Variants in TLK2 observed in about 807,000 individuals in gnomAD.
TLK2 encodes the protein tousled like kinase 2.
Under a neutral mutation model 117.3 loss-of-function variants are expected in TLK2, and 6 were observed. The observed-to-expected ratio is 0.05, with a 90% CI of 0.03 to 0.10. TLK2 has a LOEUF of 0.10. Ranked by LOEUF, TLK2 falls within the 10% of genes least tolerant of loss-of-function variation. The pLI is 1.00. For synonymous variants in TLK2, 257 were observed against 316.7 expected (o/e 0.81, Z 2.00); for missense variants, 299 against 901.2 (o/e 0.33, Z 8.56).
upstream of TLK2, among the ~76,000 whole-genome samples, chr17:62,476,039 G>C (rs995630034): frequency 1.3e-5 from 2 of 151,928 alleles, no homozygotes; most frequent in African/African-American, 2.4e-5. Context: ...GTGCAGTGGT[G>C]CCATCTTGGC....
chr17:62,489,036 C>G (rs892380120), intron 2 of TLK2, among the ~76,000 whole-genome samples: 1 of 151,784 alleles, frequency 6.6e-6, no homozygotes, highest in South Asian at 2.1e-4. Flanking sequence ...AAAAATGCCT[C>G]CCATCAGCAT....
At position 62,562,252 on chromosome 17, in the gene TLK2, C is replaced by G. The variant is rs1392791236; in HGVS notation, c.831+2126C>G. ...GTGTGCGCCTGTAATCTTAGCTACT[C>G]TGGAGGCTGAGGCACGAGAATCACT... On this transcript the variant is annotated intron_variant, in intron 10 of 21. Transcript: ENST00000346027. 2.6e-5 allele frequency among the ~76,000 whole-genome samples: 4 copies of G among 152,136 alleles called. No individual in the cohort carries two copies. In the East Asian group the frequency reaches 7.7e-4, roughly 29 times the overall value.
Position 62,483,075 on chromosome 17 carries a change from A to C in TLK2, c.81+1869A>C, listed in dbSNP as rs1396907902. The stretch of plus-strand genomic sequence containing the variant: ...TGATCTAGGTGAAGTAGCTTCAAAT[A>C]GAAGTGAGCAATATATTTGAATACT... On this transcript the variant is annotated intron_variant, in intron 2 of 21. Coordinates refer to ENST00000346027, the MANE Select transcript of TLK2 (RefSeq NM_006852.6). 5.3e-5 allele frequency among the ~76,000 whole-genome samples: 8 copies of C among 152,252 alleles called. No homozygotes were observed. In the East Asian group the frequency reaches 1.5e-3, roughly 29 times the overall value.
chr17:62,584,480 T>C (rs372016670), intron 15 of TLK2, among the ~76,000 whole-genome samples: 2 of 152,230 alleles, frequency 1.3e-5, no homozygotes, highest in East Asian at 3.9e-4. Flanking sequence ...GTATTCATGA[T>C]TGTGAATGGA....
intron 16 of TLK2, among the ~76,000 whole-genome samples, chr17:62,594,575 T>A (rs1412801517): frequency 6.6e-6 from 1 of 152,200 alleles, no homozygotes; most frequent in African/African-American, 2.4e-5. Context: ...ACAAAAACAT[T>A]ACCCAGCTTC....
chr17:62,549,599 G>A (rs1257065142), intron 7 of TLK2: 1 of 151,414 alleles, frequency 6.6e-6, no homozygotes, highest in Non-Finnish European at 1.5e-5. Flanking sequence ...CTGCATCCTA[G>A]AGTAGAGAAC....
chr17:62,587,844 G>A (rs892844931), intron 16 of TLK2, among the ~76,000 whole-genome samples: 2 of 152,114 alleles, frequency 1.3e-5, no homozygotes, highest in African/African-American at 4.8e-5. Context: ...CCAGTTATAA[G>A]TGAGCAATGC....
chr17:62,515,069 C>G (rs1372102624), intron 2 of TLK2, among the ~76,000 whole-genome samples: 1 of 152,224 alleles, frequency 6.6e-6, no homozygotes, highest in African/African-American at 2.4e-5. Context: ...ATTCTACTTT[C>G]TGACTCTATG....
At chr17:62,515,503 G>T (rs903399641) in intron 2 of TLK2, among the ~76,000 whole-genome samples, 2 of 152,122 alleles carry the variant, frequency 1.3e-5, no homozygotes, top group Admixed American at 6.6e-5. Flanking sequence ...GGGTTGGTTG[G>T]TTTTTTGTTT....
At chr17:62,572,945 AT>A in intron 11 of TLK2, 1 of 283,812 alleles carries the variant, frequency 3.5e-6, no homozygotes, top group Non-Finnish European at 6.6e-6. Flanking sequence ...GAGTCAGAAA[AT>A]AAGGTCACAA....
At chr17:62,574,516 T>G in intron 12 of TLK2, 1 of 655,726 alleles carries the variant, frequency 1.5e-6, no homozygotes, top group Non-Finnish European at 2.5e-6. Flanking sequence ...CAAATTTTGT[T>G]GTTGTTGTTT....
At chr17:62,558,037 A>T (rs904278968) in intron 9 of TLK2, among the ~76,000 whole-genome samples, 2 of 152,196 alleles carry the variant, frequency 1.3e-5, no homozygotes, top group African/African-American at 4.8e-5. Flanking sequence ...GATCTAGAGG[A>T]TCGACAGTGA....
intron 6 of TLK2, among the ~76,000 whole-genome samples, chr17:62,535,028 A>C (rs1240429566): frequency 3.3e-5 from 5 of 151,514 alleles, no homozygotes; most frequent in African/African-American, 9.7e-5. Context: ...ATCTTGGATT[A>C]CAGGTGCCCA....
At chr17:62,492,865 A>T (rs1329335099) in intron 2 of TLK2, among the ~76,000 whole-genome samples, 2 of 151,342 alleles carry the variant, frequency 1.3e-5, no homozygotes, top group African/African-American at 4.8e-5. Context: ...TGGGAGGCCG[A>T]GGTGGGCAGA....
At chr17:62,493,133 T>C (rs1339186873) in intron 2 of TLK2, among the ~76,000 whole-genome samples, 1 of 152,076 alleles carries the variant, frequency 6.6e-6, no homozygotes, top group East Asian at 1.9e-4. Flanking sequence ...AACCTCCCAA[T>C]AACTCCCCAG....
chr17:62,519,743 TA>T (rs2075900085), intron 2 of TLK2, among the ~76,000 whole-genome samples: 1 of 152,144 alleles, frequency 6.6e-6, no homozygotes, highest in African/African-American at 2.4e-5. Flanking sequence ...ATTGCAAGTA[TA>T]AAAAAATGGA....
chr17:62,558,417 C>A (rs2079022842), intron 9 of TLK2, among the ~76,000 whole-genome samples: 1 of 152,288 alleles, frequency 6.6e-6, no homozygotes, highest in Middle Eastern at 3.4e-3. Flanking sequence ...CCTGCCTCGG[C>A]CTCCCAGAGT....
At chr17:62,518,868 T>G (rs1052604921) in intron 2 of TLK2, among the ~76,000 whole-genome samples, 5 of 152,110 alleles carry the variant, frequency 3.3e-5, no homozygotes, top group Non-Finnish European at 7.4e-5. Context: ...AAACATGTTT[T>G]TATTTTACTC....
upstream of TLK2, among the ~76,000 whole-genome samples, chr17:62,476,810 G>A (rs1291038803): frequency 1.3e-5 from 2 of 152,052 alleles, no homozygotes. Context: ...GGTCGAGTGC[G>A]GTGGCTAACG....
Sources: allele counts gnomAD v4.1 joint callset (sites outside exome capture counted in the v4.1 genomes callset), GRCh38; gene constraint gnomAD v4.1.1; transcripts MANE v1.5; gene names NCBI Gene and HGNC (gene_info 2026-07-23, HGNC 2026-07-21).